Variants in CHCHD3 observed in about 807,000 individuals in gnomAD.
CHCHD3 encodes MICOS complex subunit MIC19.
CHCHD3 carries 20 observed loss-of-function variants against 38.2 expected under a neutral mutation model. That is an observed-to-expected ratio of 0.52 (90% CI 0.37 to 0.76). The LOEUF (loss-of-function observed/expected upper bound fraction) is 0.76. Ranked by LOEUF, CHCHD3 falls within the 30% of genes least tolerant of loss-of-function variation. The probability of loss-of-function intolerance (pLI) is 0.00; values close to 1 mark genes in which losing one functional copy is unlikely to be tolerated. For synonymous variants in CHCHD3, 82 were observed against 100.0 expected (o/e 0.82, Z 1.07); for missense variants, 245 against 279.2 (o/e 0.88, Z 0.87).
intron 2 of CHCHD3, among the ~76,000 whole-genome samples, chr7:133,046,625 G>A (rs186781704): frequency 0.026 from 3,983 of 152,004 alleles, 149 homozygotes; most frequent in African/African-American, 0.083. Context: ...GCAGTGGCGC[G>A]ATCTCGGCTC....
chr7:132,885,901 C>T (rs1809195142), intron 4 of CHCHD3, among the ~76,000 whole-genome samples, 156 bp from the exon 5 acceptor site: 1 of 152,128 alleles, frequency 6.6e-6, no homozygotes, highest in South Asian at 2.1e-4. Context: ...ATGATGATTG[C>T]TGTATTTAAA....
chr7:132,815,189 T>C (rs920971567), intron 6 of CHCHD3, among the ~76,000 whole-genome samples: 2 of 152,200 alleles, frequency 1.3e-5, no homozygotes, highest in African/African-American at 4.8e-5. Context: ...ATATTGGTTA[T>C]AAGTGCCAAC....
At chr7:132,948,129 T>C (rs935944375) in intron 4 of CHCHD3, among the ~76,000 whole-genome samples, 4 of 152,122 alleles carry the variant, frequency 2.6e-5, no homozygotes, top group African/African-American at 7.2e-5. Flanking sequence ...ATTTCCTGTT[T>C]TGGGATTTCC....
intron 1 of CHCHD3, among the ~76,000 whole-genome samples, chr7:133,074,176 T>C (rs1009991283): frequency 4.6e-5 from 7 of 152,192 alleles, no homozygotes; most frequent in South Asian, 2.1e-4. Context: ...ATATATTAAG[T>C]CATTCATTCA....
intron 4 of CHCHD3, among the ~76,000 whole-genome samples, chr7:132,907,100 TTAATA>T (rs1161060545): frequency 2.0e-5 from 3 of 152,214 alleles, no homozygotes; most frequent in African/African-American, 7.2e-5. Context: ...CAAAATAAAC[TTAATA>T]TATCTATTCA....
chr7:133,034,726 A>G (rs560945980), intron 2 of CHCHD3: 5 of 1,613,578 alleles, frequency 3.1e-6, no homozygotes, highest in South Asian at 1.1e-5. Flanking sequence ...AGTTTCCGCC[A>G]TGTGTATGAC....
chr7:133,001,006 C>G (rs139355498), intron 3 of CHCHD3, among the ~76,000 whole-genome samples: 7 of 152,210 alleles, frequency 4.6e-5, no homozygotes, highest in African/African-American at 1.7e-4. Flanking sequence ...CTCATCAGTT[C>G]TCGCCTCATA....
chr7:132,916,914 A>AGTAT, intron 4 of CHCHD3, among the ~76,000 whole-genome samples: 1 of 152,298 alleles, frequency 6.6e-6, no homozygotes. Flanking sequence ...AATTTATCAC[A>AGTAT]GTATGTATGT....
intron 1 of CHCHD3, among the ~76,000 whole-genome samples, chr7:133,075,977 T>C (rs976962044): frequency 2.4e-4 from 35 of 147,588 alleles, no homozygotes; most frequent in African/African-American, 8.9e-4. Flanking sequence ...GAAAATCGCT[T>C]GAACCCAGAA....
chr7:133,030,851 T>C (rs1445849303), intron 2 of CHCHD3, among the ~76,000 whole-genome samples: 1 of 152,232 alleles, frequency 6.6e-6, no homozygotes, highest in Non-Finnish European at 1.5e-5. Flanking sequence ...AGCATTGCAA[T>C]TGCTTAGTTC....
intron 4 of CHCHD3, among the ~76,000 whole-genome samples, chr7:132,887,378 G>A (rs1375988251): frequency 1.3e-5 from 2 of 151,296 alleles, no homozygotes; most frequent in African/African-American, 4.8e-5. Context: ...TAATATACAT[G>A]ACTACATAAT....
intron 3 of CHCHD3, among the ~76,000 whole-genome samples, chr7:132,979,922 T>C (rs1291344893): frequency 1.3e-5 from 2 of 152,230 alleles, no homozygotes; most frequent in Non-Finnish European, 2.9e-5. Flanking sequence ...CTTTCAATGG[T>C]TCCTGTAAAT....
intron 5 of CHCHD3, among the ~76,000 whole-genome samples, chr7:132,847,004 GC>G (rs1808090767): frequency 6.6e-6 from 1 of 152,128 alleles, no homozygotes; most frequent in African/African-American, 2.4e-5. Flanking sequence ...GAAACTCAGG[GC>G]TGATATAACT....
At chr7:133,045,488 G>A (rs1813958263) in intron 2 of CHCHD3, among the ~76,000 whole-genome samples, 1 of 152,106 alleles carries the variant, frequency 6.6e-6, no homozygotes, top group Non-Finnish European at 1.5e-5. Flanking sequence ...AAATATAGAA[G>A]GCAAAGGCTT....
At chr7:132,876,860 T>A (rs184245149) in intron 5 of CHCHD3, among the ~76,000 whole-genome samples, 84 of 152,238 alleles carry the variant, frequency 5.5e-4, no homozygotes, top group Non-Finnish European at 9.4e-4. Flanking sequence ...GGCAGTTTAG[T>A]GTCTTGTAAA....
intron 1 of CHCHD3, among the ~76,000 whole-genome samples, chr7:133,080,461 T>C (rs1487803225): frequency 6.6e-6 from 1 of 152,240 alleles, no homozygotes; most frequent in Non-Finnish European, 1.5e-5. Flanking sequence ...ATTTATACAT[T>C]TTTTTCTAAC....
At chr7:132,824,573 C>G (rs1425304676) in intron 6 of CHCHD3, among the ~76,000 whole-genome samples, 1 of 152,130 alleles carries the variant, frequency 6.6e-6, no homozygotes, top group Non-Finnish European at 1.5e-5. Flanking sequence ...CTCGGCCTCC[C>G]AAAGTGCTGG....
rs545929588 is a variant in CHCHD3, at chr7:132,957,823, A to G, written c.369+17346T>C. 1.4e-4 allele frequency among the ~76,000 whole-genome samples: 21 copies of G among 152,266 alleles called. No individual in the cohort carries two copies. In the South Asian group the frequency reaches 3.7e-3, roughly 27 times the overall value. On this transcript the variant is annotated intron_variant, in intron 4 of 7. Transcript: ENST00000262570. ...ATAAACTTTTGAAAATGAAAAGCCC[A>G]GTTGGCACGTGGTACAGGAGCTATT... is the stretch of plus-strand genomic sequence containing the variant.
At chr7:132,903,026 C>T (rs973649616) in intron 4 of CHCHD3, among the ~76,000 whole-genome samples, 6 of 152,142 alleles carry the variant, frequency 3.9e-5, no homozygotes, top group African/African-American at 1.4e-4. Flanking sequence ...CATCCTTTGT[C>T]ACCTTGAAAG....
Sources: gnomAD v4.1 joint callset for allele counts (sites outside exome capture counted in the v4.1 genomes callset) on GRCh38, gnomAD v4.1.1 for gene constraint, MANE v1.5 for transcripts, NCBI Gene and HGNC (gene_info 2026-07-23, HGNC 2026-07-21) for gene names.